Variants in PRKD1 observed in about 807,000 individuals in gnomAD.
PRKD1 encodes serine/threonine-protein kinase D1.
A neutral mutation model predicts 95.9 loss-of-function variants in PRKD1; 63 were observed. The ratio of observed to expected loss-of-function variants is 0.66; its 90% CI spans 0.54 to 0.81. The LOEUF (loss-of-function observed/expected upper bound fraction) is 0.81. Ranked by LOEUF, PRKD1 falls within the 30% of genes least tolerant of loss-of-function variation. The pLI is 0.00. For missense variants in PRKD1, 1,048 were observed against 1,165.3 expected, an observed-to-expected ratio of 0.90 and a Z score of 1.47; for synonymous variants, 425 against 423.1, an observed-to-expected ratio of 1.00 and a Z score of -0.05.
chr14:29,629,974 T>C (rs1044292607), intron 10 of PRKD1, among the ~76,000 whole-genome samples: 1 of 110,888 alleles, frequency 9.0e-6, no homozygotes, highest in Non-Finnish European at 2.2e-5. Context: ...TTCTTCCTTT[T>C]CCTCTTCCTC....
In PRKD1 at chr14:29,634,293, C is replaced by T. The variant is rs45528641; in HGVS notation, c.1314+125G>A. 4.4e-3 allele frequency: 6,174 copies of T among 1,410,544 alleles called. 88 individuals carry two copies. The African/African-American group carries it at 0.045, about 10-fold the overall frequency. The allele number at this position is 1,410,544 out of a possible 1,614,324, so 87.4% of individuals were successfully genotyped here. On this transcript the variant is annotated intron_variant, in intron 8 of 17. Transcript: ENST00000331968. ...GACTGTAATGCACCTTACCTAATCC[C>T]GTGTCATGCCTGTGCTGAGGTTTAC...
At chr14:29,759,477 C>T (rs1887873287) in intron 1 of PRKD1, among the ~76,000 whole-genome samples, 1 of 152,200 alleles carries the variant, frequency 6.6e-6, no homozygotes, top group Non-Finnish European at 1.5e-5. Flanking sequence ...TAACCTTAAA[C>T]ACTGTCATAA....
intron 1 of PRKD1, among the ~76,000 whole-genome samples, chr14:29,911,443 A>C (rs1020800089): frequency 1.3e-5 from 2 of 152,226 alleles, no homozygotes; most frequent in African/African-American, 4.8e-5. Context: ...ACCAATGTAC[A>C]TATCTGAAGT....
chr14:29,685,770 A>G (rs187048846), intron 2 of PRKD1, among the ~76,000 whole-genome samples: 7 of 151,468 alleles, frequency 4.6e-5, no homozygotes, highest in African/African-American at 1.7e-4. Context: ...AGTCTTTTCT[A>G]TGCAATACTG....
At chr14:29,657,682 C>A (rs183874942) in intron 4 of PRKD1, 1 of 152,268 alleles carries the variant, frequency 6.6e-6, no homozygotes, top group East Asian at 1.9e-4. Flanking sequence ...CTGGCTAACA[C>A]GGTGAAACCC....
chr14:29,679,083 A>G (rs533704124), intron 2 of PRKD1, among the ~76,000 whole-genome samples: 1 of 152,292 alleles, frequency 6.6e-6, no homozygotes, highest in South Asian at 2.1e-4. Flanking sequence ...AAAGTATAAA[A>G]CTCTGAAACC....
At chr14:29,587,307 G>C (rs915650844) in intron 16 of PRKD1, among the ~76,000 whole-genome samples, 10 of 152,158 alleles carry the variant, frequency 6.6e-5, no homozygotes, top group African/African-American at 2.4e-4. Flanking sequence ...CCGTACAGGG[G>C]TTAGATAAGA....
At chr14:29,822,535 A>G (rs1453582519) in intron 1 of PRKD1, among the ~76,000 whole-genome samples, 2 of 152,116 alleles carry the variant, frequency 1.3e-5, no homozygotes, top group East Asian at 3.9e-4. Flanking sequence ...CTTATTTTGA[A>G]CCTCCTGTAA....
At chr14:29,686,359 G>T (rs1280023298) in intron 2 of PRKD1, among the ~76,000 whole-genome samples, 1 of 152,106 alleles carries the variant, frequency 6.6e-6, no homozygotes, top group South Asian at 2.1e-4. Flanking sequence ...AGTTGGGAGT[G>T]AGGGGCTTTA....
At chr14:29,880,776 G>T (rs542737895) in intron 1 of PRKD1, among the ~76,000 whole-genome samples, 2 of 152,214 alleles carry the variant, frequency 1.3e-5, no homozygotes, top group South Asian at 4.1e-4. Flanking sequence ...TTCCATCAGT[G>T]TGACCTGGAT....
At chr14:29,644,372 G>C (rs78558867) in intron 4 of PRKD1, among the ~76,000 whole-genome samples, 3,382 of 152,206 alleles carry the variant, frequency 0.022, 113 homozygotes, top group African/African-American at 0.072. Context: ...CATATTAATG[G>C]GTGGCCCTCA....
intron 1 of PRKD1, among the ~76,000 whole-genome samples, chr14:29,886,152 G>A (rs1893699312): frequency 6.6e-6 from 1 of 152,132 alleles, no homozygotes; most frequent in African/African-American, 2.4e-5. Context: ...AAAGAGACTT[G>A]CCCTCCACTC....
chr14:29,811,266 C>T (rs566855944), intron 1 of PRKD1, among the ~76,000 whole-genome samples: 3 of 152,154 alleles, frequency 2.0e-5, no homozygotes, highest in African/African-American at 7.2e-5. Flanking sequence ...AAATGCAGAC[C>T]TTCCAGGGTT....
intron 13 of PRKD1, 50 bp downstream of exon 13, chr14:29,624,102 A>C (rs777305176): frequency 7.6e-7 from 1 of 1,323,440 alleles, no homozygotes; most frequent in Non-Finnish European, 1.1e-6. Flanking sequence ...GCAGAAGTAA[A>C]GGATGAGGGA....
intron 1 of PRKD1, among the ~76,000 whole-genome samples, chr14:29,758,051 A>G (rs1887792924): frequency 6.6e-6 from 1 of 152,090 alleles, no homozygotes; most frequent in African/African-American, 2.4e-5. Context: ...AGGACGCAAG[A>G]TTTGTTTCCT....
intron 2 of PRKD1, among the ~76,000 whole-genome samples, chr14:29,705,455 G>GTT (rs35890847): frequency 0.011 from 1,613 of 147,124 alleles, 21 homozygotes; most frequent in African/African-American, 0.033. Flanking sequence ...GCCAGATTCT[G>GTT]TTTTTTTTTT....
intron 2 of PRKD1, among the ~76,000 whole-genome samples, chr14:29,717,045 T>G (rs1594454645): frequency 6.6e-6 from 1 of 152,170 alleles, no homozygotes; most frequent in African/African-American, 2.4e-5. Context: ...TAATAGATTA[T>G]GTCAAGAAGA....
intron 2 of PRKD1, among the ~76,000 whole-genome samples, chr14:29,715,960 G>C (rs934724814): frequency 1.3e-5 from 2 of 152,150 alleles, no homozygotes; most frequent in Admixed American, 1.3e-4. Context: ...TTTTTAGAAT[G>C]ATTCTTAATA....
chr14:29,698,924 C>T (rs974420825), intron 2 of PRKD1, among the ~76,000 whole-genome samples: 5 of 152,012 alleles, frequency 3.3e-5, no homozygotes, highest in Admixed American at 6.6e-5. Context: ...AACAGATTCG[C>T]GTGGTTAAGT....
Sources: allele counts gnomAD v4.1 joint callset (sites outside exome capture counted in the v4.1 genomes callset), GRCh38; gene constraint gnomAD v4.1.1; transcripts MANE v1.5; gene names NCBI Gene and HGNC (gene_info 2026-07-23, HGNC 2026-07-21).